KCNK13: variants seen among roughly 807,000 people sequenced by gnomAD.
KCNK13 encodes the protein potassium channel subfamily K member 13.
Under a neutral mutation model 23.4 loss-of-function variants are expected in KCNK13, and 12 were observed. That is an observed-to-expected ratio of 0.51 (90% CI 0.33 to 0.83). KCNK13 has a LOEUF of 0.83. Among genes scored for constraint, KCNK13 ranks in the 40% least tolerant of loss-of-function variants. KCNK13 has a pLI of 0.02. For synonymous variants in KCNK13, 231 were observed against 229.5 expected, an observed-to-expected ratio of 1.01 and a Z score of -0.06; for missense variants, 463 against 556.3, an observed-to-expected ratio of 0.83 and a Z score of 1.69.
At chr14:90,157,342 C>T (rs1027515473) in intron 1 of KCNK13, among the ~76,000 whole-genome samples, 7 of 152,060 alleles carry the variant, frequency 4.6e-5, no homozygotes, top group Non-Finnish European at 8.8e-5. Context: ...TAGAGTCATC[C>T]TGTCTTAGTA....
chr14:90,066,346 C>T (rs186292851), intron 1 of KCNK13, among the ~76,000 whole-genome samples: 12 of 150,504 alleles, frequency 8.0e-5, no homozygotes, highest in Admixed American at 6.6e-4. Context: ...TTCACTGCAA[C>T]GTCCGTGCCT....
intron 1 of KCNK13, among the ~76,000 whole-genome samples, chr14:90,179,483 G>A (rs191903764): frequency 1.4e-4 from 22 of 152,240 alleles, no homozygotes; most frequent in Admixed American, 1.0e-3. Flanking sequence ...TTTATTCCTA[G>A]CCCCAAGGAC....
At chr14:90,139,091 C>T (rs769753745) in intron 1 of KCNK13, among the ~76,000 whole-genome samples, 149 of 152,198 alleles carry the variant, frequency 9.8e-4, no homozygotes, top group Admixed American at 1.4e-3. Context: ...GTGGTTCAGA[C>T]ATCCAGTTAG....
intron 1 of KCNK13, among the ~76,000 whole-genome samples, chr14:90,117,980 C>T (rs1889696406): frequency 6.6e-6 from 1 of 152,136 alleles, no homozygotes; most frequent in African/African-American, 2.4e-5. Flanking sequence ...CAGGTGAGTT[C>T]GATTGCTTGG....
chr14:90,180,973 C>CA (rs1890478392), intron 1 of KCNK13, among the ~76,000 whole-genome samples: 2 of 152,232 alleles, frequency 1.3e-5, no homozygotes, highest in African/African-American at 4.8e-5. Context: ...TCTCCTGCCA[C>CA]AGCCTCCCAA....
At position 90,062,232 on chromosome 14, in the gene KCNK13, C is replaced by T. The variant is rs1407825001; in HGVS notation, c.27C>T (p.Gly9=). The change falls in exon 1 of 2, where the codon GGC becomes GGT. Residue 9 remains glycine, a synonymous_variant. Coordinates refer to ENST00000282146, the MANE Select transcript of KCNK13 (RefSeq NM_022054.4). This position sits in a 1 kb window ranked among gnomAD's most constrained non-coding sequence, Gnocchi z 4.5. MAGRGFSW[G]PGHLNEDNAR... ...TGGCTGGCCGGGGTTTCAGCTGGGG[C>T]CCGGGCCACCTGAACGAGGACAACG... 1.5e-6 allele frequency: 2 copies of T among 1,318,224 alleles called. No homozygotes were observed. The highest frequency in any genetic ancestry group is 3.1e-5 in the African/African-American group (2 of 63,702). The allele number at this position is 1,318,224 out of a possible 1,614,324, so 81.7% of individuals were successfully genotyped here. A position where few individuals can be genotyped will look rare whatever the true frequency, so the allele number is the denominator to read the frequency against.
At chr14:90,174,578 A>G (rs1414022273) in intron 1 of KCNK13, among the ~76,000 whole-genome samples, 1 of 152,154 alleles carries the variant, frequency 6.6e-6, no homozygotes, top group Non-Finnish European at 1.5e-5. Flanking sequence ...CAGGCCGGGC[A>G]TGGTGGCTCA....
chr14:90,147,830 T>G (rs1053565717), intron 1 of KCNK13, among the ~76,000 whole-genome samples: 8 of 152,218 alleles, frequency 5.3e-5, no homozygotes, highest in Non-Finnish European at 1.0e-4. Flanking sequence ...GCATAGGTCT[T>G]TCTTTCTCTC....
intron 1 of KCNK13, among the ~76,000 whole-genome samples, chr14:90,079,587 G>T (rs1421767647): frequency 6.6e-6 from 1 of 152,164 alleles, no homozygotes; most frequent in Non-Finnish European, 1.5e-5. Flanking sequence ...GACTCACAAG[G>T]CTCAAGGGGT....
Position 90,062,193 on chromosome 14 carries a change from CG to C in KCNK13, c.-8del. On this transcript the variant is annotated 5_prime_UTR_variant, in exon 1 of 2. Transcript: ENST00000282146. This position sits in a 1 kb window ranked among gnomAD's most constrained non-coding sequence, Gnocchi z 4.5. ...GTGCCGTGGGCCTGGGGGCTGCCCCCGGGGGCCCGGCCATGGCTGGCCGGGG... is the reference window on the plus strand; with the variant it reads ...GTGCCGTGGGCCTGGGGGCTGCCCCCGGGGCCCGGCCATGGCTGGCCGGGG... The C allele has an allele frequency of 6.5e-6, 9 of 1,385,322 alleles. No homozygotes were observed. Among genetic ancestry groups the C allele is most frequent in the Non-Finnish European group, 8.4e-6 (9 of 1,073,610 alleles). 85.8% of individuals were successfully genotyped at this position (1,385,322 alleles called of 1,614,324 possible).
In KCNK13 at chr14:90,089,677, C is replaced by T. The variant is rs145618872; in HGVS notation, c.334+27138C>T. On this transcript the variant is annotated intron_variant, in intron 1 of 1. Transcript: ENST00000282146. Reference sequence around the variant, plus strand: ...ATGTCAGAGGTTTTCACAGTAGCCCCTCCCATCACAGGCCCGGAGGCCTAG... The same window carrying T: ...ATGTCAGAGGTTTTCACAGTAGCCCTTCCCATCACAGGCCCGGAGGCCTAG... Among the ~76,000 whole-genome samples, 6 of 152,358 alleles carry T rather than the reference C, an allele frequency of 3.9e-5. No individual in the cohort carries two copies. The East Asian group carries it at 1.2e-3, about 29-fold the overall frequency.
intron 1 of KCNK13, among the ~76,000 whole-genome samples, chr14:90,064,678 C>T (rs1183308269): frequency 3.3e-5 from 5 of 152,200 alleles, no homozygotes; most frequent in Non-Finnish European, 5.9e-5. Context: ...TCTGCGTAAG[C>T]CTGCCCCTGT....
At chr14:90,182,356 G>A (rs1419560317) in intron 1 of KCNK13, among the ~76,000 whole-genome samples, 1 of 152,166 alleles carries the variant, frequency 6.6e-6, no homozygotes, top group African/African-American at 2.4e-5. Context: ...ACATTTCAAG[G>A]TCTGGTCTGA....
intron 1 of KCNK13, among the ~76,000 whole-genome samples, chr14:90,125,621 ACACACG>A (rs111583754): frequency 0.44 from 55,862 of 127,444 alleles, 10,389 homozygotes; most frequent in Admixed American, 0.52. Flanking sequence ...ACACACACAC[ACACACG>A]CGCACACACA....
At chr14:90,102,731 C>T (rs1390960463) in intron 1 of KCNK13, among the ~76,000 whole-genome samples, 1 of 152,200 alleles carries the variant, frequency 6.6e-6, no homozygotes, top group Non-Finnish European at 1.5e-5. Flanking sequence ...TTGCTGTCTT[C>T]CAGTTGAGTT....
intron 1 of KCNK13, among the ~76,000 whole-genome samples, chr14:90,085,475 A>G (rs1170487494): frequency 6.6e-6 from 1 of 151,014 alleles, no homozygotes; most frequent in African/African-American, 2.4e-5. Context: ...TCTGGCCAAC[A>G]TGGCGAAACC....
intron 1 of KCNK13, among the ~76,000 whole-genome samples, chr14:90,079,257 G>A (rs1889179752): frequency 6.6e-6 from 1 of 152,136 alleles, no homozygotes; most frequent in Admixed American, 6.5e-5. Flanking sequence ...ACAGACTCTG[G>A]GCTAAGGATT....
intron 1 of KCNK13, among the ~76,000 whole-genome samples, chr14:90,121,056 A>G (rs2140417323): frequency 7.3e-6 from 1 of 136,824 alleles, no homozygotes; most frequent in South Asian, 2.3e-4. Flanking sequence ...TGACTGGAGG[A>G]TGATTTGGAG....
chr14:90,131,325 G>A (rs1237716467), intron 1 of KCNK13, among the ~76,000 whole-genome samples: 3 of 151,780 alleles, frequency 2.0e-5, no homozygotes, highest in Non-Finnish European at 2.9e-5. Flanking sequence ...TCTGCCTCCC[G>A]GGTTCAAGTG....
Sources: gnomAD v4.1 joint callset for allele counts (sites outside exome capture counted in the v4.1 genomes callset) on GRCh38, gnomAD v4.1.1 for gene constraint, Gnocchi (gnomAD v3.1) non-coding constraint, MANE v1.5 for transcripts, NCBI Gene and HGNC (gene_info 2026-07-23, HGNC 2026-07-21) for gene names.